Variants in PRKCB observed in about 807,000 individuals in gnomAD.
The protein encoded by PRKCB is protein kinase C beta type.
Under a neutral mutation model 81.5 loss-of-function variants are expected in PRKCB, and 13 were observed. The observed-to-expected ratio is 0.16, with a 90% CI of 0.10 to 0.25. PRKCB has a LOEUF of 0.25. Among genes scored for constraint, PRKCB ranks in the 10% least tolerant of loss-of-function variants. The probability of loss-of-function intolerance (pLI) is 1.00; values close to 1 mark genes in which losing one functional copy is unlikely to be tolerated. For missense variants in PRKCB, 509 were observed against 875.7 expected (o/e 0.58, Z 5.29); for synonymous variants, 335 against 321.4 (o/e 1.04, Z -0.45).
At chr16:24,096,333 C>A (rs1223399988) in intron 7 of PRKCB, among the ~76,000 whole-genome samples, 1 of 151,996 alleles carries the variant, frequency 6.6e-6, no homozygotes, top group Admixed American at 6.6e-5. Flanking sequence ...CCCAGGAAAG[C>A]GTAAGGGCAG....
At chr16:24,047,804 G>C (rs1462359655) in intron 5 of PRKCB, among the ~76,000 whole-genome samples, 1 of 152,188 alleles carries the variant, frequency 6.6e-6, no homozygotes, top group African/African-American at 2.4e-5. Context: ...GACTAGTTTA[G>C]CCTTAAGGTC....
chr16:24,020,302 T>C (rs1356695932), intron 3 of PRKCB, among the ~76,000 whole-genome samples: 1 of 152,246 alleles, frequency 6.6e-6, no homozygotes, highest in Non-Finnish European at 1.5e-5. Flanking sequence ...TAAATAAAAA[T>C]GGCAGTACTG....
intron 2 of PRKCB, among the ~76,000 whole-genome samples, chr16:23,966,202 A>G (rs764134477): frequency 1.6e-4 from 24 of 152,350 alleles, no homozygotes; most frequent in Middle Eastern, 3.4e-3. Flanking sequence ...CCATGAAGTC[A>G]CAGTTCCATC....
chr16:23,925,175 G>C (rs948269265), intron 2 of PRKCB, among the ~76,000 whole-genome samples: 6 of 152,088 alleles, frequency 3.9e-5, no homozygotes, highest in African/African-American at 1.4e-4. Context: ...TGAGGAAAGA[G>C]AGAATGGGAT....
In PRKCB at chr16:24,218,474, A is replaced by T; in HGVS notation, c.*3658A>T. 1 of 985,368 alleles carries T rather than the reference A, an allele frequency of 1.0e-6. No individual in the cohort carries two copies. Among genetic ancestry groups the T allele is most frequent in the Non-Finnish European group, 1.2e-6 (1 of 829,906 alleles). The allele number at this position is 985,368 out of a possible 1,614,324, so 61.0% of individuals were successfully genotyped here. On this transcript the variant is annotated 3_prime_UTR_variant, in exon 17 of 17. Transcript: ENST00000643927. ...TCTTAGCCTGCCCCACTCTAGCCAC[A>T]CATACCCACGTGTGCTCCTGAGTTC...
Position 24,217,817 on chromosome 16 carries a change from T to G in PRKCB, c.*3001T>G, listed in dbSNP as rs1483826828. The G allele has an allele frequency of 1.5e-5, 15 of 985,302 alleles. No homozygotes were observed. The highest frequency in any genetic ancestry group is 1.7e-5 in the Non-Finnish European group (14 of 829,946). The allele number at this position is 985,302 out of a possible 1,614,324, so 61.0% of individuals were successfully genotyped here. A position where few individuals can be genotyped will look rare whatever the true frequency, so the allele number is the denominator to read the frequency against. ...TCTAGCTCCAAATATACCTGCCTTT[T>G]AGCTCACACACTGTCCTGGAGTTCT... On this transcript the variant is annotated 3_prime_UTR_variant, in exon 17 of 17. Transcript: ENST00000643927.
intron 2 of PRKCB, among the ~76,000 whole-genome samples, chr16:23,976,125 A>G (rs1268846630): frequency 6.6e-6 from 1 of 152,120 alleles, no homozygotes; most frequent in Non-Finnish European, 1.5e-5. Flanking sequence ...TGGTCAACCT[A>G]GTGAGACCCC....
At position 24,187,971 on chromosome 16, in the gene PRKCB, C is replaced by T. The variant is rs1031249141; in HGVS notation, c.1722+2404C>T. ...AATGAGATAACATAAGAGAAAGCTC[C>T]TTGCATGATGTGGGCACATAGTAGG... is the stretch of plus-strand genomic sequence containing the variant. On this transcript the variant is annotated intron_variant, in intron 15 of 16. Coordinates refer to ENST00000643927, the MANE Select transcript of PRKCB (RefSeq NM_002738.7). Among the ~76,000 whole-genome samples the T allele has an allele frequency of 5.3e-5, 8 of 152,314 alleles. No homozygotes were observed. The South Asian group carries it at 1.7e-3, about 32-fold the overall frequency.
intron 2 of PRKCB, among the ~76,000 whole-genome samples, chr16:23,915,669 G>A (rs1400407533): frequency 4.5e-5 from 5 of 111,058 alleles, no homozygotes; most frequent in East Asian, 3.1e-4. Context: ...TCCAGCCTGG[G>A]CAAGAGTGAG....
chr16:24,163,029 T>C (rs901712370), intron 10 of PRKCB, among the ~76,000 whole-genome samples: 1 of 152,196 alleles, frequency 6.6e-6, no homozygotes, highest in African/African-American at 2.4e-5. Flanking sequence ...ATGACTTCGT[T>C]AGCTCCTTGC....
At chr16:24,083,375 A>G (rs1207450980) in intron 5 of PRKCB, among the ~76,000 whole-genome samples, 1 of 152,222 alleles carries the variant, frequency 6.6e-6, no homozygotes, top group African/African-American at 2.4e-5. Context: ...ATGCTCACAC[A>G]AGAACCCGTG....
chr16:24,187,516 C>T (rs1967721767), intron 15 of PRKCB, among the ~76,000 whole-genome samples: 1 of 152,140 alleles, frequency 6.6e-6, no homozygotes, highest in Non-Finnish European at 1.5e-5. Context: ...CTAGTGCTGA[C>T]GCTATTGTGT....
At chr16:23,952,861 G>T (rs1462719345) in intron 2 of PRKCB, among the ~76,000 whole-genome samples, 1 of 152,188 alleles carries the variant, frequency 6.6e-6, no homozygotes, top group South Asian at 2.1e-4. Flanking sequence ...AGGGAAGCTG[G>T]CTCAGGAGCT....
chr16:23,997,954 A>G (rs1280834901), intron 3 of PRKCB, among the ~76,000 whole-genome samples: 1 of 152,222 alleles, frequency 6.6e-6, no homozygotes, highest in Non-Finnish European at 1.5e-5. Flanking sequence ...GGGGGTACCC[A>G]GATAGCTGGT....
chr16:23,972,952 A>G (rs1048363083), intron 2 of PRKCB, among the ~76,000 whole-genome samples: 1 of 152,202 alleles, frequency 6.6e-6, no homozygotes, highest in East Asian at 1.9e-4. Context: ...GCTAGTGCCT[A>G]TTATGGTGTT....
At chr16:24,116,441 C>T (rs1401735154) in intron 8 of PRKCB, among the ~76,000 whole-genome samples, 4 of 152,010 alleles carry the variant, frequency 2.6e-5, no homozygotes, top group East Asian at 1.9e-4. Context: ...ATAGCACTTA[C>T]GTATTCCCAA....
At chr16:24,073,198 C>T (rs555474856) in intron 5 of PRKCB, among the ~76,000 whole-genome samples, 8 of 152,326 alleles carry the variant, frequency 5.3e-5, no homozygotes, top group Non-Finnish European at 1.2e-4. Context: ...GGATAAACCG[C>T]TTGCTAAATA....
intron 8 of PRKCB, among the ~76,000 whole-genome samples, chr16:24,117,612 C>T (rs1191977341): frequency 2.0e-5 from 3 of 152,106 alleles, no homozygotes; most frequent in Non-Finnish European, 4.4e-5. Flanking sequence ...TTTATAAGGT[C>T]CCAGAGCCAG....
At chr16:24,017,553 A>G (rs1446321390) in intron 3 of PRKCB, among the ~76,000 whole-genome samples, 5 of 152,200 alleles carry the variant, frequency 3.3e-5, no homozygotes, top group Non-Finnish European at 4.4e-5. Flanking sequence ...AAAAAAGAAC[A>G]TCGACAAAAT....
Sources: allele counts gnomAD v4.1 joint callset (sites outside exome capture counted in the v4.1 genomes callset), GRCh38; gene constraint gnomAD v4.1.1; transcripts MANE v1.5; gene names NCBI Gene and HGNC (gene_info 2026-07-23, HGNC 2026-07-21).